Variants in IPO4 observed in about 807,000 individuals in gnomAD.
The protein encoded by IPO4 is importin-4.
IPO4 carries 91 observed loss-of-function variants against 133.5 expected under a neutral mutation model. The ratio of observed to expected loss-of-function variants is 0.68; its 90% confidence interval spans 0.58 to 0.81. The LOEUF is 0.81. Ranked by LOEUF, IPO4 falls within the 30% of genes least tolerant of loss-of-function variation. The pLI is 0.00. For synonymous variants in IPO4, 607 were observed against 581.6 expected (o/e 1.04, Z -0.63); for missense variants, 1,279 against 1,386.2 (o/e 0.92, Z 1.23).
rs773962838 is a variant in IPO4 at position 24,186,762 on chromosome 14, C to T, written c.786G>A (p.Ala262=). The change falls in exon 9 of 30, where the codon GCG becomes GCA. Residue 262 remains alanine, a synonymous_variant. Coordinates refer to ENST00000354464, the MANE Select transcript of IPO4 (RefSeq NM_024658.4). ...EVARNVALGN[A]IRIRILCCLT... ...GGCAGCAGAGAATACGTATGCGTAT[C>T]GCATTGCCCAGGGCCACATTTCTAG... The T allele has an allele frequency of 8.7e-6, 14 of 1,614,040 alleles. No individual in the cohort carries two copies. The highest frequency in any genetic ancestry group is 1.7e-5 in the Admixed American group (1 of 59,992).
chr14:24,184,555 G>A (rs1370412683), intron 16 of IPO4, 95 bp downstream of exon 16: 1 of 1,408,302 alleles, frequency 7.1e-7, no homozygotes, highest in African/African-American at 1.4e-5. Context: ...TGAGAAGGAA[G>A]ACATCCGTGC....
Position 24,181,954 on chromosome 14 carries a change from C to T in IPO4, c.2807+1G>A. 6.2e-7 allele frequency: 1 copy of T among 1,610,734 alleles called. No homozygotes were observed. Among genetic ancestry groups the T allele is most frequent in the Non-Finnish European group, 8.5e-7 (1 of 1,179,998 alleles). The stretch of plus-strand genomic sequence containing the variant: ...CCTCCCGTCCTGCGAGCCAAGGATA[C>T]TCCTGGGCAGGGTGGCCCCCATGCT... On this transcript the variant is annotated splice_donor_variant, in intron 26 of 29. Transcript: ENST00000354464. LOFTEE classifies it high-confidence loss of function.
rs2039145709 is a variant in IPO4, at chr14:24,181,993, C to T, written c.2769G>A (p.Met923Ile). ...GGCCCCCATGCTCTGCCAGCACGCCCATCCCGAAGATGGCATTGCTTCGCA... is the reference window on the plus strand; with the variant it reads ...GGCCCCCATGCTCTGCCAGCACGCCTATCCCGAAGATGGCATTGCTTCGCA... ...PEVRSNAIFG[M>I]GVLAEHGGHP... is the part of the protein sequence containing the mutation. Residue 923 changes from methionine to isoleucine, a missense_variant, in exon 26 of 30, where the codon ATG (methionine) becomes ATA (isoleucine). This residue lies in a region of IPO4 where 575 missense variants were observed against 653.4 expected (regional missense o/e 0.88). Coordinates refer to ENST00000354464, the MANE Select transcript of IPO4 (RefSeq NM_024658.4). 6.2e-7 allele frequency: 1 copy of T among 1,612,706 alleles called. No individual in the cohort carries two copies. Among genetic ancestry groups the T allele is most frequent in the East Asian group, 2.2e-5 (1 of 44,884 alleles).
chr14:24,182,528 C>T, intron 24 of IPO4, 125 bp from the exon 25 acceptor site: 1 of 1,364,208 alleles, frequency 7.3e-7, no homozygotes, highest in Middle Eastern at 2.6e-4. Flanking sequence ...GCTGGCCCCT[C>T]TCAAGCTGGG....
In IPO4 at chr14:24,183,613, C is replaced by A; in HGVS notation, c.2040G>T (p.Val680=). The A allele has an allele frequency of 3.1e-6, 5 of 1,614,166 alleles. No homozygotes were observed. The highest frequency in any genetic ancestry group is 1.1e-5 in the South Asian group (1 of 91,084). ...FDEKEDTCAA[V]GEISVNTSVA... Reference sequence around the variant, plus strand: ...ACCTGGTGTTCACAGAGATCTCCCCCACGGCAGCACAGGTGTCTTCCTTCT... The same window carrying A: ...ACCTGGTGTTCACAGAGATCTCCCCAACGGCAGCACAGGTGTCTTCCTTCT... Residue 680 remains valine, a synonymous_variant, in exon 20 of 30, where the codon GTG becomes GTT. Coordinates refer to ENST00000354464, the MANE Select transcript of IPO4 (RefSeq NM_024658.4).
intron 5 of IPO4, 39 bp from the exon 6 acceptor site, chr14:24,187,618 G>T (rs745937035): frequency 2.7e-5 from 44 of 1,613,774 alleles, no homozygotes; most frequent in African/African-American, 4.0e-5. Flanking sequence ...AGCTTACAAG[G>T]TCTATCCAGC....
chr14:24,180,701 T>C lies in IPO4; in HGVS notation c.3103A>G (p.Lys1035Glu), dbSNP rs1458058122. Residue 1035 changes from lysine to glutamate, a missense_variant, in exon 29 of 30, where the codon AAG (lysine) becomes GAG (glutamate). By Grantham distance (56) the Lys-to-Glu change is moderately conservative. This residue lies in a region of IPO4 where 575 missense variants were observed against 653.4 expected (regional missense o/e 0.88). Coordinates refer to ENST00000354464, the MANE Select transcript of IPO4 (RefSeq NM_024658.4). ...RICSLILADN[K>E]IPPDTKAALL... ...CTCCTACCCTCACCTGGTGGGATCT[T>C]GTTGTCAGCCAGAATGAGGCTGCAG... The C allele has an allele frequency of 1.9e-6, 3 of 1,614,118 alleles. No homozygotes were observed. Among genetic ancestry groups the C allele is most frequent in the South Asian group, 1.1e-5 (1 of 91,078 alleles).
rs1298738317 is a variant in IPO4 at position 24,187,591 on chromosome 14, T to C, written c.409-12A>G. 1.2e-6 allele frequency: 2 copies of C among 1,614,140 alleles called. No homozygotes were observed. The highest frequency in any genetic ancestry group is 2.2e-5 in the East Asian group (1 of 44,886). On this transcript the variant is annotated splice_polypyrimidine_tract_variant and intron_variant, in intron 5 of 29. Transcript: ENST00000354464. ...AGCAAAAGCCCCATCTGTCCAAGAATAGAGGATGGGAGAGCAAGCTTACAA... is the reference window on the plus strand; with the variant it reads ...AGCAAAAGCCCCATCTGTCCAAGAACAGAGGATGGGAGAGCAAGCTTACAA...
At chr14:24,188,192 C>T (rs764551664) in intron 4 of IPO4, 24 bp downstream of exon 4, 4 of 1,609,504 alleles carry the variant, frequency 2.5e-6, no homozygotes, top group Non-Finnish European at 3.4e-6. Flanking sequence ...GTCAAGATCC[C>T]GAGAGAAGTG....
intron 24 of IPO4, 28 bp downstream of exon 24, chr14:24,182,735 TGTCCCTGTGGAGACTGCCTGGACCGCCTG>T: frequency 6.3e-7 from 1 of 1,588,728 alleles, no homozygotes; most frequent in Non-Finnish European, 8.6e-7. Context: ...TGTCCACCCC[TGTCCCTGTGGAGACTGCCTGGACCGCCTG>T]GTCCCCGTTT....
Position 24,181,842 on chromosome 14 carries a change from G to A in IPO4, c.2809C>T (p.His937Tyr), listed in dbSNP as rs2039142227. The A allele has an allele frequency of 6.3e-7, 1 of 1,597,470 alleles. No individual in the cohort carries two copies. The highest frequency in any genetic ancestry group is 1.3e-5 in the African/African-American group (1 of 74,650). Residue 937 changes from histidine (H) to tyrosine (Y), a missense_variant and splice_region_variant, in exon 27 of 30, where the codon CAC (histidine) becomes TAC (tyrosine). His to Tyr is a moderately conservative substitution (Grantham distance 83). Coordinates refer to ENST00000354464, the MANE Select transcript of IPO4 (RefSeq NM_024658.4). ...AEHGGHPAQE[H>Y]FPKLLGLLFP... Reference sequence around the variant, plus strand: ...AGGAGCCCCAGCAGCTTGGGGAAGTGTCTGGTCCACAGTCAAGGAATGGCC... The same window carrying A: ...AGGAGCCCCAGCAGCTTGGGGAAGTATCTGGTCCACAGTCAAGGAATGGCC...
At chr14:24,182,696 T>C in intron 24 of IPO4, 96 bp downstream of exon 24, 1 of 1,393,162 alleles carries the variant, frequency 7.2e-7, no homozygotes, top group Non-Finnish European at 1.0e-6. Flanking sequence ...TTAGTGGCCC[T>C]GGCTGCCCCA....
At position 24,182,536 on chromosome 14, in the gene IPO4, G is replaced by A. The variant is rs569912775; in HGVS notation, c.2473-133C>T. ...TGATAGGGCTGGCCCCTCTCAAGCT[G>A]GGTGTTTCCATGACCCAGCTTCTTC... On this transcript the variant is annotated intron_variant, in intron 24 of 29. Coordinates refer to ENST00000354464, the MANE Select transcript of IPO4 (RefSeq NM_024658.4). 4.6e-6 allele frequency: 6 copies of A among 1,316,962 alleles called. No individual in the cohort carries two copies. In the African/African-American group the frequency reaches 8.8e-5, roughly 19 times the overall value. 81.6% of individuals were successfully genotyped at this position (1,316,962 alleles called of 1,614,324 possible).
rs1170178550 is a variant in IPO4, at chr14:24,183,519, G to A, written c.2064-6C>T. 1 of 1,613,990 alleles carries A rather than the reference G, an allele frequency of 6.2e-7. No homozygotes were observed. Among genetic ancestry groups the A allele is most frequent in the East Asian group, 2.2e-5 (1 of 44,884 alleles). On this transcript the variant is annotated splice_region_variant and splice_polypyrimidine_tract_variant and intron_variant, in intron 20 of 29. Coordinates refer to ENST00000354464, the MANE Select transcript of IPO4 (RefSeq NM_024658.4). ...TGTATGGAAGGAAGGCCACACTACA[G>A]AGAGAGACACAGCCGTGGGTAAGGG...
At chr14:24,181,115 T>C (rs1813318690) in intron 28 of IPO4, among the ~76,000 whole-genome samples, 1 of 151,974 alleles carries the variant, frequency 6.6e-6, no homozygotes, top group Non-Finnish European at 1.5e-5. Flanking sequence ...ACAGGCAAAA[T>C]CTCTTCAGAG....
In IPO4 at chr14:24,183,441, C is replaced by T. The variant is rs766020120; in HGVS notation, c.2121+15G>A. 7.5e-6 allele frequency: 12 copies of T among 1,606,426 alleles called. No individual in the cohort carries two copies. The Admixed American group carries it at 1.0e-4, about 14-fold the overall frequency. The stretch of plus-strand genomic sequence containing the variant: ...GCCTGAGAACCCCACCCACTCCACC[C>T]GCCGGCCCGCTCACCTCCAGCAGTT... On this transcript the variant is annotated intron_variant, in intron 21 of 29. Coordinates refer to ENST00000354464, the MANE Select transcript of IPO4 (RefSeq NM_024658.4).
In IPO4 at chr14:24,183,313, C is replaced by T; in HGVS notation, c.2164G>A (p.Gly722Ser). The T allele has an allele frequency of 1.2e-6, 2 of 1,613,244 alleles. No homozygotes were observed. The highest frequency in any genetic ancestry group is 2.2e-5 in the South Asian group (2 of 90,812). The change falls in exon 22 of 30, where the codon GGT (glycine) becomes AGT (serine). Residue 722 changes from glycine (G) to serine (S), a missense_variant. By Grantham distance (56) the Gly-to-Ser change is moderately conservative (BLOSUM62 0). Around this residue, in one of 3 missense-constraint regions of IPO4, gnomAD observed 575 missense variants for 653.4 expected, o/e 0.88. Transcript: ENST00000354464. ...NVRKAAHEAL[G>S]QFCCALHKAC... ...TTGTGCAGTGCACAGCAAAACTGAC[C>T]CAGAGCCTCATGGGCTGCCTTCCGC...
Position 24,180,565 on chromosome 14 carries a change from C to T in IPO4, c.3123G>A (p.Lys1041=). The T allele has an allele frequency of 6.2e-7, 1 of 1,613,840 alleles. No homozygotes were observed. The highest frequency in any genetic ancestry group is 8.5e-7 in the Non-Finnish European group (1 of 1,179,724). ...ACGTCAGGAGCAGCAACAGTGCGGC[C>T]TTGGTGTCTGGGTGGAGAGGGAGGG... ...LADNKIPPDT[K]AALLLLLTFL... is the part of the protein sequence containing the mutation. Residue 1041 remains lysine (K), a synonymous_variant, in exon 30 of 30, where the codon AAG becomes AAA. Transcript: ENST00000354464.
At position 24,188,233 on chromosome 14, in the gene IPO4, G is replaced by A; in HGVS notation, c.261C>T (p.Ala87=). 6.2e-7 allele frequency: 1 copy of A among 1,613,588 alleles called. No homozygotes were observed. The highest frequency in any genetic ancestry group is 2.2e-5 in the East Asian group (1 of 44,876). Residue 87 remains alanine (A), a synonymous_variant, in exon 4 of 30, where the codon GCC becomes GCT. Coordinates refer to ENST00000354464, the MANE Select transcript of IPO4 (RefSeq NM_024658.4). ...RESLKSLILT[A]LQRETEHCVS... ...GTACTTACTCTGTTTCTCTCTGCAG[G>A]GCCGTCAGGATCAGGGACTTGAGGC...
Sources: gnomAD v4.1 joint callset for allele counts (sites outside exome capture counted in the v4.1 genomes callset) on GRCh38, gnomAD v4.1.1 for gene constraint, gnomAD v4.1.1 regional missense constraint, MANE v1.5 for transcripts, NCBI Gene and HGNC (gene_info 2026-07-23, HGNC 2026-07-21) for gene names.